The following ABCC8 variants were observed in gnomAD, a reference collection of about 807,000 sequenced individuals.
ABCC8 encodes the protein ATP-binding cassette sub-family C member 8.
Under a neutral mutation model 188.0 loss-of-function variants are expected in ABCC8, and 137 were observed. That is an observed-to-expected ratio of 0.73 (90% CI 0.63 to 0.84). The LOEUF (loss-of-function observed/expected upper bound fraction) is 0.84. Among genes scored for constraint, ABCC8 ranks in the 40% least tolerant of loss-of-function variants. The pLI is 0.00. For synonymous variants in ABCC8, 797 were observed against 846.5 expected, an observed-to-expected ratio of 0.94 and a Z score of 1.01; for missense variants, 1,750 against 2,072.7, an observed-to-expected ratio of 0.84 and a Z score of 3.02.
chr11:17,419,700 T>C (rs1955247088), intron 16 of ABCC8, among the ~76,000 whole-genome samples: 1 of 152,174 alleles, frequency 6.6e-6, no homozygotes, highest in South Asian at 2.1e-4. Flanking sequence ...GAAGAAGTCA[T>C]AGCTGAACTG....
intron 10 of ABCC8, among the ~76,000 whole-genome samples, chr11:17,437,243 C>T (rs188210938): frequency 5.3e-5 from 8 of 151,940 alleles, no homozygotes; most frequent in Middle Eastern, 3.4e-3. Flanking sequence ...CCATACAAAA[C>T]GAAACAAACA....
intron 8 of ABCC8, chr11:17,444,453 T>C (rs1956445235): frequency 6.6e-6 from 1 of 152,186 alleles, no homozygotes; most frequent in African/African-American, 2.4e-5. Flanking sequence ...CAGGGCACCT[T>C]GTGAGCCGGT....
At chr11:17,403,458 A>AT (rs1168621877) in intron 28 of ABCC8, among the ~76,000 whole-genome samples, 3 of 152,108 alleles carry the variant, frequency 2.0e-5, no homozygotes, top group African/African-American at 2.4e-5. Flanking sequence ...AGCACTTTGA[A>AT]TTTTTTGAGT....
chr11:17,402,926 G>C (rs1443006506), intron 28 of ABCC8, 173 bp from the exon 29 acceptor site: 1 of 230,842 alleles, frequency 4.3e-6, no homozygotes, highest in African/African-American at 2.3e-5. Context: ...TTGAGCTTTT[G>C]TGAGCACTGA....
chr11:17,396,674 G>C, intron 33 of ABCC8: 1 of 557,730 alleles, frequency 1.8e-6, no homozygotes, highest in Non-Finnish European at 3.2e-6. Flanking sequence ...GGAGTCCAGA[G>C]TGTCGGTCTC....
chr11:17,397,507 T>G, intron 31 of ABCC8, 177 bp downstream of exon 31: 2 of 1,409,796 alleles, frequency 1.4e-6, no homozygotes, highest in South Asian at 2.5e-5. Flanking sequence ...CCTCCACCTG[T>G]CTGGGGCCTG....
At chr11:17,393,344 C>G (rs541565857) in intron 38 of ABCC8, 4 of 697,488 alleles carry the variant, frequency 5.7e-6, no homozygotes, top group Middle Eastern at 8.1e-4. Flanking sequence ...AGTCCCAACT[C>G]TACCCCACCT....
intron 28 of ABCC8, 115 bp from the exon 29 acceptor site, chr11:17,402,868 G>A: frequency 2.3e-6 from 3 of 1,314,918 alleles, no homozygotes; most frequent in Admixed American, 1.8e-5. Context: ...ACCTCTCTAG[G>A]CCTCAGCTTC....
Position 17,472,037 on chromosome 11 carries a change from C to T in ABCC8, c.291-1815G>A, listed in dbSNP as rs578082225. Among the ~76,000 whole-genome samples, 24 of 152,300 alleles carry T rather than the reference C, an allele frequency of 1.6e-4. No individual in the cohort carries two copies. The South Asian group carries it at 4.8e-3, about 30-fold the overall frequency. ...TTTACTCCTTGAAATAATTTTGAAA[C>T]ACCCTCTACTCTCTCACACATTTTT... On this transcript the variant is annotated intron_variant, in intron 2 of 38. Coordinates refer to ENST00000389817, the MANE Select transcript of ABCC8 (RefSeq NM_000352.6).
intron 8 of ABCC8, among the ~76,000 whole-genome samples, chr11:17,447,636 A>G (rs1956588623): frequency 6.6e-6 from 1 of 151,948 alleles, no homozygotes; most frequent in African/African-American, 2.4e-5. Flanking sequence ...GTGTCACTCT[A>G]TCGCCCAGGC....
At chr11:17,410,481 G>GC in intron 22 of ABCC8, 35 bp downstream of exon 22, 1 of 1,610,364 alleles carries the variant, frequency 6.2e-7, no homozygotes, top group Non-Finnish European at 8.5e-7. Context: ...CCCCAGCCCT[G>GC]CCCCCTATAG....
chr11:17,422,318 AGTCT>A (rs1955383749), intron 16 of ABCC8, among the ~76,000 whole-genome samples: 1 of 152,102 alleles, frequency 6.6e-6, no homozygotes, highest in African/African-American at 2.4e-5. Flanking sequence ...TCCTTCCTGG[AGTCT>A]GTCTGTCTTT....
At chr11:17,408,657 T>C (rs565850351) in intron 22 of ABCC8, 140 bp from the exon 23 acceptor site, 16 of 1,378,094 alleles carry the variant, frequency 1.2e-5, no homozygotes, top group Non-Finnish European at 1.5e-5. Flanking sequence ...CCACTGCAAG[T>C]GGGCTGGTAT....
At chr11:17,450,247 TC>T (rs1825447801) in intron 7 of ABCC8, among the ~76,000 whole-genome samples, 1 of 52,050 alleles carries the variant, frequency 1.9e-5, no homozygotes, top group Non-Finnish European at 3.9e-5. Flanking sequence ...CTTTTCTTTT[TC>T]TTTCTTTCTT....
chr11:17,410,526 TG>T lies in ABCC8; in HGVS notation c.2683del (p.His895MetfsTer8). On this transcript the variant is annotated frameshift_variant, in exon 22 of 39. Coordinates refer to ENST00000389817, the MANE Select transcript of ABCC8 (RefSeq NM_000352.6). LOFTEE classifies it high-confidence loss of function. ...LVTHKLQYLPHADWIIAMKDG... is the reference protein window; with the variant it reads ...LVTHKLQYLPXADWIIAMKDG... ...CTTGTTCCCCCTCACCCAGTCTGCA[TG>T]GGGCAGGTACTGTAGCTTGTGGGTC... 6.2e-7 allele frequency: 1 copy of T among 1,614,122 alleles called. No individual in the cohort carries two copies. Among genetic ancestry groups the T allele is most frequent in the Non-Finnish European group, 8.5e-7 (1 of 1,180,010 alleles).
chr11:17,417,618 A>G (rs2133491190), intron 16 of ABCC8, among the ~76,000 whole-genome samples: 1 of 152,344 alleles, frequency 6.6e-6, no homozygotes. Context: ...GCCCCTTGCC[A>G]ATGAAATATA....
Position 17,430,958 on chromosome 11 carries a change from G to T in ABCC8, c.1673C>A (p.Thr558Asn). The stretch of plus-strand genomic sequence containing the variant: ...GAAGAAGCTGACGTGGCCCACGAAA[G>T]TCTGTGGACAGAGGCACAAGTGAGG... ...TAIPIAAVLI[T>N]FVGHVSFFKE... The change falls in exon 12 of 39, where the codon ACT becomes AAT. Residue 558 changes from threonine (T) to asparagine (N), a missense_variant and splice_region_variant. By Grantham distance (65) the Thr-to-Asn change is moderately conservative. Transcript: ENST00000389817. The T allele has an allele frequency of 6.2e-7, 1 of 1,614,102 alleles. No homozygotes were observed.
chr11:17,414,377 G>T (rs2133477514), intron 19 of ABCC8, 135 bp downstream of exon 19: 1 of 1,255,302 alleles, frequency 8.0e-7, no homozygotes, highest in South Asian at 1.2e-5. Context: ...ATATGGAGAG[G>T]CTGGAGTGCA....
chr11:17,455,469 C>T (rs1484702496), intron 6 of ABCC8, among the ~76,000 whole-genome samples: 1 of 152,198 alleles, frequency 6.6e-6, no homozygotes, highest in Non-Finnish European at 1.5e-5. Context: ...CTTCCTCTCT[C>T]CGCCCCCAAC....
Sources: allele counts gnomAD v4.1 joint callset (sites outside exome capture counted in the v4.1 genomes callset), GRCh38; gene constraint gnomAD v4.1.1; transcripts MANE v1.5; gene names NCBI Gene and HGNC (gene_info 2026-07-23, HGNC 2026-07-21).